The following GRIP1 variants were observed in gnomAD, a reference collection of about 807,000 sequenced individuals.
GRIP1 encodes glutamate receptor-interacting protein 1.
In GRIP1, 45 loss-of-function variants were observed where a neutral mutation model predicts 129.9. The observed-to-expected ratio is 0.35, with a 90% CI of 0.27 to 0.44. The LOEUF (loss-of-function observed/expected upper bound fraction) is 0.44. Among genes scored for constraint, GRIP1 ranks in the 20% least tolerant of loss-of-function variants. The probability of loss-of-function intolerance (pLI) is 1.00; values close to 1 mark genes in which losing one functional copy is unlikely to be tolerated. For missense variants in GRIP1, 1,196 were observed against 1,396.8 expected, an observed-to-expected ratio of 0.86 and a Z score of 2.29; for synonymous variants, 530 against 520.8, an observed-to-expected ratio of 1.02 and a Z score of -0.24.
intron 1 of GRIP1, among the ~76,000 whole-genome samples, chr12:67,057,323 T>C (rs932523003): frequency 4.0e-5 from 6 of 150,252 alleles, no homozygotes; most frequent in African/African-American, 1.5e-4. Context: ...GCACTACACC[T>C]ACCAAGAAAA....
intron 1 of GRIP1, among the ~76,000 whole-genome samples, chr12:66,666,877 C>A (rs1378325963): frequency 6.6e-6 from 1 of 151,534 alleles, no homozygotes; most frequent in East Asian, 1.9e-4. Flanking sequence ...AACATTGAAA[C>A]CTTTTTTTTT....
intron 1 of GRIP1, among the ~76,000 whole-genome samples, chr12:66,814,225 T>C (rs2039161051): frequency 6.6e-6 from 1 of 152,148 alleles, no homozygotes; most frequent in South Asian, 2.1e-4. Context: ...CTGTACCCCA[T>C]TTCCTCATCT....
chr12:66,959,338 AT>A (rs2041889427), intron 1 of GRIP1, among the ~76,000 whole-genome samples: 1 of 152,170 alleles, frequency 6.6e-6, no homozygotes, highest in African/African-American at 2.4e-5. Flanking sequence ...AATTTTGCAC[AT>A]GAACTAAAAA....
intron 3 of GRIP1, 108 bp from the exon 4 acceptor site, chr12:66,539,331 T>A: frequency 6.9e-7 from 1 of 1,445,474 alleles, no homozygotes; most frequent in Non-Finnish European, 9.7e-7. Flanking sequence ...GAAGCAAGCC[T>A]AGAAGGCTGA....
At chr12:67,048,841 C>T (rs1474042292) in intron 1 of GRIP1, among the ~76,000 whole-genome samples, 1 of 152,152 alleles carries the variant, frequency 6.6e-6, no homozygotes, top group Non-Finnish European at 1.5e-5. Flanking sequence ...ACGTGACTTG[C>T]ACCTCCTTGC....
At chr12:66,843,466 G>A (rs1270172755) in intron 1 of GRIP1, among the ~76,000 whole-genome samples, 1 of 152,018 alleles carries the variant, frequency 6.6e-6, no homozygotes, top group Non-Finnish European at 1.5e-5. Context: ...TCTGCAGAAA[G>A]CACTGTTGAT....
At position 66,475,722 on chromosome 12, in the gene GRIP1, A is replaced by G. The variant is rs1359468886; in HGVS notation, c.725-10300T>C. 5.9e-5 allele frequency among the ~76,000 whole-genome samples: 9 copies of G among 152,360 alleles called. 1 individual carries two copies. Among genetic ancestry groups the G allele is most frequent in the African/African-American group, 2.2e-4 (9 of 41,592 alleles). ...TGGAAACTGAACAACTTGCTCCTGA[A>G]TGACTACTGGGTACATAATGAAATG... On this transcript the variant is annotated intron_variant, in intron 7 of 24. Transcript: ENST00000359742.
intron 11 of GRIP1, among the ~76,000 whole-genome samples, chr12:66,453,317 A>G (rs1040094767): frequency 3.3e-5 from 5 of 152,170 alleles, no homozygotes; most frequent in Non-Finnish European, 5.9e-5. Context: ...TATGAACACT[A>G]ATGAATTCAT....
At chr12:66,643,678 C>T (rs117565762) in intron 1 of GRIP1, among the ~76,000 whole-genome samples, 4,676 of 152,220 alleles carry the variant, frequency 0.031, 255 homozygotes, top group African/African-American at 0.11. Flanking sequence ...GATCCTCCCA[C>T]CTCAGCCTCC....
chr12:66,670,135 T>A (rs1312299789), intron 1 of GRIP1, among the ~76,000 whole-genome samples: 1 of 152,070 alleles, frequency 6.6e-6, no homozygotes, highest in Non-Finnish European at 1.5e-5. Context: ...AGAAGACAAG[T>A]AACAGAAGAG....
chr12:66,479,033 A>T (rs565819829), intron 7 of GRIP1, among the ~76,000 whole-genome samples: 5 of 151,798 alleles, frequency 3.3e-5, no homozygotes, highest in South Asian at 2.1e-4. Context: ...TATAATAAAA[A>T]ATATATATTA....
chr12:66,650,586 A>C (rs1592701328), intron 1 of GRIP1, among the ~76,000 whole-genome samples: 3 of 152,192 alleles, frequency 2.0e-5, no homozygotes, highest in Admixed American at 2.0e-4. Flanking sequence ...TGTGATCAAG[A>C]ATACCTTCCT....
intron 1 of GRIP1, among the ~76,000 whole-genome samples, chr12:66,825,881 G>A (rs1047155357): frequency 8.5e-5 from 13 of 152,178 alleles, no homozygotes; most frequent in Admixed American, 3.3e-4. Context: ...TAGTTCAACC[G>A]TTGTGGAAGA....
chr12:67,009,976 G>A (rs552263342), intron 1 of GRIP1, among the ~76,000 whole-genome samples: 1 of 152,264 alleles, frequency 6.6e-6, no homozygotes, highest in South Asian at 2.1e-4. Flanking sequence ...ACTAAAGAGA[G>A]AGGTGTAATG....
At chr12:66,526,035 T>C in intron 5 of GRIP1, among the ~76,000 whole-genome samples, 1 of 151,974 alleles carries the variant, frequency 6.6e-6, no homozygotes, top group East Asian at 1.9e-4. Context: ...TAAAAGAGGA[T>C]ACAAACAAAT....
chr12:67,003,944 G>T (rs4397935), intron 1 of GRIP1, among the ~76,000 whole-genome samples: 118,032 of 152,060 alleles, frequency 0.78, 46,664 homozygotes, highest in African/African-American at 0.91. Flanking sequence ...AGGTGCCCTT[G>T]CAACTTCTTT....
chr12:66,703,456 G>A (rs2035418663), intron 1 of GRIP1, among the ~76,000 whole-genome samples: 1 of 152,084 alleles, frequency 6.6e-6, no homozygotes, highest in African/African-American at 2.4e-5. Flanking sequence ...AAAGGGAGAG[G>A]AGGGAAGATC....
At chr12:66,912,809 T>C (rs1305609318) in intron 1 of GRIP1, among the ~76,000 whole-genome samples, 3 of 152,176 alleles carry the variant, frequency 2.0e-5, no homozygotes, top group Non-Finnish European at 4.4e-5. Context: ...TCATGAACCA[T>C]GATCATTAAT....
intron 1 of GRIP1, among the ~76,000 whole-genome samples, chr12:66,962,123 T>C (rs935588446): frequency 2.0e-5 from 3 of 152,166 alleles, no homozygotes; most frequent in Admixed American, 2.0e-4. Flanking sequence ...TATTAAAATC[T>C]TTCTATTTTT....
Sources: allele counts gnomAD v4.1 joint callset (sites outside exome capture counted in the v4.1 genomes callset), GRCh38; gene constraint gnomAD v4.1.1; transcripts MANE v1.5; gene names NCBI Gene and HGNC (gene_info 2026-07-23, HGNC 2026-07-21).